The following USP7 variants were observed in gnomAD, a reference collection of about 807,000 sequenced individuals.
USP7 encodes ubiquitin specific peptidase 7, also known as ubiquitin C-terminal hydrolase 7.
USP7 carries 9 observed loss-of-function variants against 162.9 expected under a neutral mutation model. The observed-to-expected ratio is 0.06, with a 90% CI of 0.03 to 0.10. The LOEUF is 0.10. Ranked by LOEUF, USP7 falls within the 10% of genes least tolerant of loss-of-function variation. The pLI is 1.00. For synonymous variants in USP7, 562 were observed against 475.9 expected (o/e 1.18, Z -2.35); for missense variants, 715 against 1,373.7 (o/e 0.52, Z 7.58).
At chr16:8,913,171 C>G (rs879623334) in intron 10 of USP7, among the ~76,000 whole-genome samples, 2 of 152,196 alleles carry the variant, frequency 1.3e-5, no homozygotes, top group Non-Finnish European at 2.9e-5. Context: ...GCCTGCCCAA[C>G]ATGGTGAAAC....
chr16:8,907,612 T>C lies in USP7; in HGVS notation c.1271+729A>G, dbSNP rs529051989. On this transcript the variant is annotated intron_variant, in intron 12 of 30. Transcript: ENST00000344836. ...GGTTCACGCCAGTAATCCCAGCACTTTGGGAGGCTGAGGCCGGCAGATCAC... is the reference window on the plus strand; with the variant it reads ...GGTTCACGCCAGTAATCCCAGCACTCTGGGAGGCTGAGGCCGGCAGATCAC... Among the ~76,000 whole-genome samples the C allele has an allele frequency of 2.0e-5, 3 of 152,218 alleles. No individual in the cohort carries two copies. In the East Asian group the frequency reaches 5.8e-4, roughly 29 times the overall value.
intron 26 of USP7, among the ~76,000 whole-genome samples, chr16:8,896,568 G>A (rs2061684115): frequency 1.3e-5 from 2 of 152,118 alleles, no homozygotes; most frequent in Non-Finnish European, 1.5e-5. Context: ...TTGGCTAGAT[G>A]GAACAGAAGT....
chr16:8,921,783 C>T (rs145917773), intron 3 of USP7, among the ~76,000 whole-genome samples: 76 of 152,304 alleles, frequency 5.0e-4, no homozygotes, highest in African/African-American at 1.8e-3. Context: ...AAATTACAAC[C>T]ACAAGAGAAC....
rs1168561650 is a variant in USP7, at chr16:8,895,696, T to C, written c.2865A>G (p.Glu955=). ...VSYKIIGVHQ[E]DELLECLSPA... The stretch of plus-strand genomic sequence containing the variant: ...GAGATAAACATTCTAATAGTTCATC[T>C]TCTTGATGAACACCAATGATTTTGT... Residue 955 remains glutamate, a synonymous_variant, in exon 27 of 31, where the codon GAA becomes GAG. Coordinates refer to ENST00000344836, the MANE Select transcript of USP7 (RefSeq NM_003470.3). The C allele has an allele frequency of 3.1e-6, 5 of 1,613,472 alleles. No homozygotes were observed. Among genetic ancestry groups the C allele is most frequent in the Non-Finnish European group, 4.2e-6 (5 of 1,179,864 alleles).
In USP7 at chr16:8,892,845, G is replaced by T. The variant is rs765934502; in HGVS notation, c.*1153C>A. On this transcript the variant is annotated 3_prime_UTR_variant, in exon 31 of 31. Coordinates refer to ENST00000344836, the MANE Select transcript of USP7 (RefSeq NM_003470.3). ...AAAAGGCAATATACAGGAAGAGTTG[G>T]TGTACACTGCTCCCACAGAAACAAC... 1 of 152,078 alleles carries T rather than the reference G, an allele frequency of 6.6e-6. No homozygotes were observed. The highest frequency in any genetic ancestry group is 1.5e-5 in the Non-Finnish European group (1 of 68,018). The allele number at this position is 152,078 out of a possible 1,614,324, so 9.4% of individuals were successfully genotyped here.
chr16:8,928,013 T>G (rs1426775923), intron 2 of USP7, among the ~76,000 whole-genome samples: 1 of 152,186 alleles, frequency 6.6e-6, no homozygotes, highest in African/African-American at 2.4e-5. Flanking sequence ...GGTACTTCCT[T>G]GGTCATCTCA....
At chr16:8,944,748 A>C (rs1899200919) in intron 1 of USP7, among the ~76,000 whole-genome samples, 1 of 152,356 alleles carries the variant, frequency 6.6e-6, no homozygotes, top group Non-Finnish European at 1.5e-5. Flanking sequence ...TCAGACTCTC[A>C]TGGAACACCT....
At chr16:8,910,961 C>T (rs759520213) in intron 10 of USP7, 134 bp from the exon 11 acceptor site, 1 of 729,338 alleles carries the variant, frequency 1.4e-6, no homozygotes, top group Non-Finnish European at 2.3e-6. Context: ...AACTCTCCCC[C>T]TGTAGCCAAG....
chr16:8,934,635 C>G (rs1416515574), intron 1 of USP7, among the ~76,000 whole-genome samples: 1 of 152,238 alleles, frequency 6.6e-6, no homozygotes, highest in South Asian at 2.1e-4. Flanking sequence ...GCGGTTGCAG[C>G]AGAATCTGAG....
intron 10 of USP7, among the ~76,000 whole-genome samples, chr16:8,913,361 GAGGAGAGAAGAGGGAAGAC>G (rs2061978305): frequency 2.0e-5 from 3 of 151,206 alleles, no homozygotes; most frequent in Admixed American, 6.6e-5. Context: ...CTCTCAAAAA[GAGGAGAGAAGAGGGAAGAC>G]AGGAGAGAAG....
At chr16:8,957,774 C>CA (rs945513776) in intron 1 of USP7, among the ~76,000 whole-genome samples, 68 of 146,870 alleles carry the variant, frequency 4.6e-4, no homozygotes, top group African/African-American at 1.7e-3. Context: ...AAAAAAAAAA[C>CA]AAAAAAAAAT....
At chr16:8,958,835 T>C (rs904503420) in intron 1 of USP7, among the ~76,000 whole-genome samples, 1 of 152,224 alleles carries the variant, frequency 6.6e-6, no homozygotes, top group Admixed American at 6.5e-5. Flanking sequence ...TATTACACTT[T>C]TAATATTAAA....
chr16:8,904,949 G>A (rs1324476476), intron 14 of USP7, among the ~76,000 whole-genome samples: 1 of 152,134 alleles, frequency 6.6e-6, no homozygotes, highest in Non-Finnish European at 1.5e-5. Context: ...TCCAGCCTGG[G>A]CAAGAGCAAG....
At chr16:8,959,676 TGAAA>T (rs1899934244) in intron 1 of USP7, among the ~76,000 whole-genome samples, 1 of 152,248 alleles carries the variant, frequency 6.6e-6, no homozygotes, top group Non-Finnish European at 1.5e-5. Flanking sequence ...CAGTGCTATT[TGAAA>T]GAATCTTCTA....
At position 8,952,480 on chromosome 16, in the gene USP7, C is replaced by G. The variant is rs907051078; in HGVS notation, c.79+10727G>C. On this transcript the variant is annotated intron_variant, in intron 1 of 30. Transcript: ENST00000344836. Reference sequence around the variant, plus strand: ...CAGGGCCACATTCCTTCTGGAGGTTCTAGGGGGAAATGTTTCCCTGCCGCT... The same window carrying G: ...CAGGGCCACATTCCTTCTGGAGGTTGTAGGGGGAAATGTTTCCCTGCCGCT... Among the ~76,000 whole-genome samples, 7 of 152,138 alleles carry G rather than the reference C, an allele frequency of 4.6e-5. No homozygotes were observed. In the East Asian group the frequency reaches 5.8e-4, roughly 13 times the overall value.
Position 8,893,824 on chromosome 16 carries a change from G to C in USP7, c.*174C>G, listed in dbSNP as rs533311961. ...AAAACATCTTCATTTTGCTCAAAAA[G>C]GGCAGTCAATAGATACAGAGAAGCC... On this transcript the variant is annotated 3_prime_UTR_variant, in exon 31 of 31. Coordinates refer to ENST00000344836, the MANE Select transcript of USP7 (RefSeq NM_003470.3). The C allele has an allele frequency of 3.3e-6, 2 of 600,078 alleles. No individual in the cohort carries two copies. The highest frequency in any genetic ancestry group is 6.0e-6 in the Non-Finnish European group (2 of 334,556). 37.2% of individuals were successfully genotyped at this position (600,078 alleles called of 1,614,324 possible).
At chr16:8,960,254 AG>A (rs1279645291) in intron 1 of USP7, among the ~76,000 whole-genome samples, 1 of 152,180 alleles carries the variant, frequency 6.6e-6, no homozygotes, top group Admixed American at 6.6e-5. Context: ...CAGGCCTTAC[AG>A]GGAGTGTGTG....
At chr16:8,924,279 C>T (rs997386013) in intron 2 of USP7, among the ~76,000 whole-genome samples, 1 of 152,248 alleles carries the variant, frequency 6.6e-6, no homozygotes, top group African/African-American at 2.4e-5. Context: ...TCCTCCCACA[C>T]CCACACCAAT....
chr16:8,956,626 TGG>T (rs1899814530), intron 1 of USP7, among the ~76,000 whole-genome samples: 1 of 152,086 alleles, frequency 6.6e-6, no homozygotes, highest in Non-Finnish European at 1.5e-5. Context: ...TAGCCGGGCA[TGG>T]TAGCGTGTGC....
Sources: gnomAD v4.1 joint callset for allele counts (sites outside exome capture counted in the v4.1 genomes callset) on GRCh38, gnomAD v4.1.1 for gene constraint, MANE v1.5 for transcripts, NCBI Gene and HGNC (gene_info 2026-07-23, HGNC 2026-07-21) for gene names.